ANK1: variants seen among roughly 807,000 people sequenced by gnomAD.
ANK1 encodes ankyrin-1.
Under a neutral mutation model 210.4 loss-of-function variants are expected in ANK1, and 51 were observed. That is an observed-to-expected ratio of 0.24 (90% confidence interval 0.19 to 0.31). ANK1 has a LOEUF of 0.31. Among genes scored for constraint, ANK1 ranks in the 10% least tolerant of loss-of-function variants. ANK1 has a pLI of 1.00. For synonymous variants in ANK1, 967 were observed against 1,025.9 expected (o/e 0.94, Z 1.10); for missense variants, 2,051 against 2,504.4 (o/e 0.82, Z 3.86).
intron 1 of ANK1, among the ~76,000 whole-genome samples, chr8:41,815,766 C>T (rs1466536214): frequency 6.6e-6 from 1 of 152,142 alleles, no homozygotes; most frequent in Non-Finnish European, 1.5e-5. Flanking sequence ...TGTCACATAA[C>T]ATTTGATGAC....
At position 41,692,718 on chromosome 8, in the gene ANK1, T is replaced by C; in HGVS notation, c.3788A>G (p.Asp1263Gly). 1 of 1,613,926 alleles carries C rather than the reference T, an allele frequency of 6.2e-7. No individual in the cohort carries two copies. The highest frequency in any genetic ancestry group is 8.5e-7 in the Non-Finnish European group (1 of 1,180,004). ...EGRLRCYCMT[D>G]DKVDKTLEQH... ...CTCCAGGGTCTTGTCCACTTTATCA[T>C]CTGTCATGCAGTAGCAGCGCAGGCG... Residue 1263 changes from aspartate to glycine, a missense_variant, in exon 31 of 43, where the codon GAT becomes GGT. Physicochemically the swap from Asp to Gly is moderately conservative, Grantham distance 94 (BLOSUM62 -1). Transcript: ENST00000289734.
chr8:41,679,283 C>T (rs896175862), intron 37 of ANK1, among the ~76,000 whole-genome samples: 5 of 152,170 alleles, frequency 3.3e-5, no homozygotes, highest in Non-Finnish European at 5.9e-5. Flanking sequence ...TGTTCTGTTA[C>T]GCAGTTAAGT....
chr8:41,678,567 T>C (rs998054742), intron 37 of ANK1, among the ~76,000 whole-genome samples: 2 of 152,158 alleles, frequency 1.3e-5, no homozygotes, highest in African/African-American at 4.8e-5. Context: ...AAAAGAAAAA[T>C]GTTTGGAGTT....
chr8:41,877,938 C>T (rs1219013953), intron 1 of ANK1, among the ~76,000 whole-genome samples: 1 of 152,144 alleles, frequency 6.6e-6, no homozygotes, highest in Non-Finnish European at 1.5e-5. Flanking sequence ...TGAGGGAGGA[C>T]AGGGACAGGA....
rs473235 is a variant in ANK1, at chr8:41,715,970, G to A, written c.1405-121C>T. On this transcript the variant is annotated intron_variant, in intron 13 of 42. Coordinates refer to ENST00000289734, the MANE Select transcript of ANK1 (RefSeq NM_000037.4). Reference sequence around the variant, plus strand: ...CAAGTGACCTTCTCAAGGTCACACAGCTAAGAAGATGAAGAGTCAGGATTC... The same window carrying A: ...CAAGTGACCTTCTCAAGGTCACACAACTAAGAAGATGAAGAGTCAGGATTC... 0.22 allele frequency: 250,408 copies of A among 1,118,182 alleles called. 31,270 individuals carry two copies. Among genetic ancestry groups the A allele is most frequent in the East Asian group, 0.5 (19,904 of 39,414 alleles). The allele number at this position is 1,118,182 out of a possible 1,614,324, so 69.3% of individuals were successfully genotyped here. A position where few individuals can be genotyped will look rare whatever the true frequency, so the allele number is the denominator to read the frequency against.
At chr8:41,663,175 G>A (rs1313410309) in intron 40 of ANK1, among the ~76,000 whole-genome samples, 3 of 151,008 alleles carry the variant, frequency 2.0e-5, no homozygotes, top group Non-Finnish European at 2.9e-5. Flanking sequence ...TTTTAGAGAT[G>A]GAGTCTTGCC....
Position 41,696,543 on chromosome 8 carries a change from C to G in ANK1, c.2780G>C (p.Arg927Thr). ...TCGCAGGCCGTTGTGGCGACTTCCTCTCATGGAACCACCCCGGGCGTCAAC... is the reference window on the plus strand; with the variant it reads ...TCGCAGGCCGTTGTGGCGACTTCCTGTCATGGAACCACCCCGGGCGTCAAC... ...FMVDARGGSM[R>T]GSRHNGLRVV... Residue 927 changes from arginine (R) to threonine (T), a missense_variant, in exon 26 of 43, where the codon AGA (arginine) becomes ACA (threonine). Coordinates refer to ENST00000289734, the MANE Select transcript of ANK1 (RefSeq NM_000037.4). 1 of 1,613,974 alleles carries G rather than the reference C, an allele frequency of 6.2e-7. No homozygotes were observed.
chr8:41,785,718 A>G (rs1846211711), intron 1 of ANK1, among the ~76,000 whole-genome samples: 1 of 152,272 alleles, frequency 6.6e-6, no homozygotes, highest in African/African-American at 2.4e-5. Context: ...GCCTTCCCGC[A>G]GGAGTTGCCG....
chr8:41,690,718 G>T, intron 31 of ANK1, 119 bp from the exon 32 acceptor site: 1 of 1,468,686 alleles, frequency 6.8e-7, no homozygotes, highest in Non-Finnish European at 9.4e-7. Context: ...AGGCATGCGG[G>T]TGTGTGCTGA....
chr8:41,662,856 C>T (rs1024374251), intron 40 of ANK1, among the ~76,000 whole-genome samples: 1 of 152,076 alleles, frequency 6.6e-6, no homozygotes, highest in African/African-American at 2.4e-5. Context: ...CCACACTTGA[C>T]AGGCAAGGTC....
Position 41,718,125 on chromosome 8 carries a change from G to A in ANK1, c.1187C>T (p.Ser396Leu), listed in dbSNP as rs376407187. ...TCCTACCTCGGTGACCGCGTCGATC[G>A]AGGCTCCCGTCTTCAGCAGCAGCTC... ...VMELLLKTGA[S>L]IDAVTESGLT... The change falls in exon 11 of 43, where the codon TCG becomes TTG. Residue 396 changes from serine to leucine, a missense_variant. This residue lies in a region of ANK1 where 1,413 missense variants were observed against 1,707.4 expected (regional missense o/e 0.83). Transcript: ENST00000289734. The A allele has an allele frequency of 3.7e-5, 59 of 1,613,952 alleles. No homozygotes were observed. The highest frequency in any genetic ancestry group is 3.3e-4 in the African/African-American group (25 of 75,030).
At chr8:41,687,074 G>GT (rs1347136930) in intron 35 of ANK1, among the ~76,000 whole-genome samples, 1 of 152,198 alleles carries the variant, frequency 6.6e-6, no homozygotes, top group Admixed American at 6.5e-5. Flanking sequence ...GAACTTCTGA[G>GT]TTTGTCACAC....
intron 2 of ANK1, among the ~76,000 whole-genome samples, chr8:41,756,007 A>G (rs1055897757): frequency 6.6e-6 from 1 of 152,092 alleles, no homozygotes; most frequent in Non-Finnish European, 1.5e-5. Context: ...GTTTCCCATC[A>G]CATACCATAC....
chr8:41,840,786 T>C (rs750972135), intron 1 of ANK1, among the ~76,000 whole-genome samples: 2 of 152,234 alleles, frequency 1.3e-5, no homozygotes, highest in Middle Eastern at 3.2e-3. Flanking sequence ...CAACCCATAA[T>C]ACAACTGAAT....
At chr8:41,828,718 C>G (rs927694387) in intron 1 of ANK1, 1 of 152,888 alleles carries the variant, frequency 6.5e-6, no homozygotes, top group Non-Finnish European at 1.5e-5. Flanking sequence ...GAAACAGGAA[C>G]TGCTCCTCGC....
chr8:41,663,910 G>C (rs1054131671), intron 39 of ANK1, 168 bp from the exon 40 acceptor site: 1 of 686,874 alleles, frequency 1.5e-6, no homozygotes, highest in Non-Finnish European at 2.6e-6. Context: ...AGGGCTCCCA[G>C]GGCGTGGGCG....
chr8:41,748,449 C>T (rs1297025451), intron 2 of ANK1, among the ~76,000 whole-genome samples: 2 of 152,222 alleles, frequency 1.3e-5, no homozygotes, highest in Non-Finnish European at 2.9e-5. Context: ...ACCTCCTTAG[C>T]TGGATTGACC....
At chr8:41,780,295 G>T (rs1413958349) in intron 1 of ANK1, among the ~76,000 whole-genome samples, 1 of 152,148 alleles carries the variant, frequency 6.6e-6, no homozygotes, top group Non-Finnish European at 1.5e-5. Flanking sequence ...AACGAGCTAG[G>T]ATTACTGGCA....
At chr8:41,869,694 A>G (rs1292088572) in intron 1 of ANK1, among the ~76,000 whole-genome samples, 1 of 152,224 alleles carries the variant, frequency 6.6e-6, no homozygotes, top group African/African-American at 2.4e-5. Flanking sequence ...AGAACTCACA[A>G]AGGCCTGTGC....
Sources: gnomAD v4.1 joint callset for allele counts (sites outside exome capture counted in the v4.1 genomes callset) on GRCh38, gnomAD v4.1.1 for gene constraint, gnomAD v4.1.1 regional missense constraint, MANE v1.5 for transcripts, NCBI Gene and HGNC (gene_info 2026-07-23, HGNC 2026-07-21) for gene names.